The following RBMS3 variants were observed in gnomAD, a reference collection of about 807,000 sequenced individuals.
The protein encoded by RBMS3 is RNA-binding motif, single-stranded-interacting protein 3.
RBMS3 carries 27 observed loss-of-function variants against 66.8 expected under a neutral mutation model. The ratio of observed to expected loss-of-function variants is 0.40; its 90% CI spans 0.30 to 0.56. RBMS3 has a LOEUF of 0.56. Among genes scored for constraint, RBMS3 ranks in the 20% least tolerant of loss-of-function variants. RBMS3 has a pLI of 0.40. For missense variants in RBMS3, 513 were observed against 549.5 expected, an observed-to-expected ratio of 0.93 and a Z score of 0.66; for synonymous variants, 188 against 183.0, an observed-to-expected ratio of 1.03 and a Z score of -0.22.
chr3:29,638,294 T>C (rs540046605), intron 4 of RBMS3, among the ~76,000 whole-genome samples: 1 of 151,666 alleles, frequency 6.6e-6, no homozygotes, highest in Non-Finnish European at 1.5e-5. Flanking sequence ...TCACAAGGAA[T>C]ATCATCCTCT....
At chr3:29,593,767 C>T (rs926909858) in intron 4 of RBMS3, among the ~76,000 whole-genome samples, 1 of 152,216 alleles carries the variant, frequency 6.6e-6, no homozygotes, top group Non-Finnish European at 1.5e-5. Flanking sequence ...CACCTGCTAT[C>T]CACAAGGATT....
intron 10 of RBMS3, among the ~76,000 whole-genome samples, chr3:29,928,084 T>C (rs1482486132): frequency 1.3e-5 from 2 of 151,214 alleles, no homozygotes; most frequent in Non-Finnish European, 2.9e-5. Flanking sequence ...CAGCTCTAGG[T>C]TGCACTTTGG....
chr3:29,381,971 A>G (rs930565206), intron 1 of RBMS3, among the ~76,000 whole-genome samples: 4 of 151,946 alleles, frequency 2.6e-5, no homozygotes, highest in African/African-American at 9.7e-5. Flanking sequence ...TTCCCTGTCT[A>G]TCTCTTTCTT....
rs184298325 is a variant in RBMS3, at chr3:29,509,510, G to T, written c.307+21011G>T. On this transcript the variant is annotated intron_variant, in intron 3 of 14. Coordinates refer to ENST00000383767, the MANE Select transcript of RBMS3 (RefSeq NM_001003793.3). ...TAAGTTGCCATAACATGAAATAGCA[G>T]ATTTGGGATATAAATTCAGGTCTGC... Among the ~76,000 whole-genome samples, 205 of 152,304 alleles carry T rather than the reference G, an allele frequency of 1.3e-3. 1 individual carries two copies. The highest frequency in any genetic ancestry group is 3.3e-4 in the Admixed American group (5 of 15,300).
intron 3 of RBMS3, among the ~76,000 whole-genome samples, chr3:29,549,307 G>T (rs973295947): frequency 5.5e-4 from 83 of 151,766 alleles, no homozygotes; most frequent in African/African-American, 1.9e-3. Flanking sequence ...TACAGAAGAA[G>T]GTGAGCTAGG....
At chr3:29,608,273 A>C (rs550181176) in intron 4 of RBMS3, among the ~76,000 whole-genome samples, 1 of 152,052 alleles carries the variant, frequency 6.6e-6, no homozygotes, top group South Asian at 2.1e-4. Context: ...ACTTTTGTGG[A>C]AGTATCGTAA....
At chr3:29,716,257 A>G (rs1036021555) in intron 4 of RBMS3, among the ~76,000 whole-genome samples, 1 of 152,150 alleles carries the variant, frequency 6.6e-6, no homozygotes, top group African/African-American at 2.4e-5. Flanking sequence ...CAGTTACCAC[A>G]ATTAAGATAT....
At chr3:29,904,794 G>C (rs1004763452) in intron 10 of RBMS3, among the ~76,000 whole-genome samples, 1 of 151,834 alleles carries the variant, frequency 6.6e-6, no homozygotes, top group Non-Finnish European at 1.5e-5. Flanking sequence ...TGAATCCTAT[G>C]AGTTGAGTTG....
At chr3:29,569,038 T>A (rs542434514) in intron 3 of RBMS3, among the ~76,000 whole-genome samples, 20 of 152,242 alleles carry the variant, frequency 1.3e-4, no homozygotes, top group Middle Eastern at 3.4e-3. Flanking sequence ...CCTGAAATTG[T>A]GCACTTCTAA....
chr3:29,297,755 T>C (rs2033381044), intron 1 of RBMS3, among the ~76,000 whole-genome samples: 1 of 151,776 alleles, frequency 6.6e-6, no homozygotes, highest in African/African-American at 2.4e-5. Context: ...TTTTGTCCCC[T>C]AGAGTAAATA....
At chr3:29,665,021 A>G (rs995391123) in intron 4 of RBMS3, among the ~76,000 whole-genome samples, 2 of 152,188 alleles carry the variant, frequency 1.3e-5, no homozygotes, top group African/African-American at 4.8e-5. Context: ...ACTTATGAAG[A>G]ATAATGTTTA....
At chr3:29,806,204 G>A (rs2057542106) in intron 6 of RBMS3, among the ~76,000 whole-genome samples, 1 of 151,856 alleles carries the variant, frequency 6.6e-6, no homozygotes, top group African/African-American at 2.4e-5. Flanking sequence ...AAAGAACCCA[G>A]ACAAAAAGTA....
chr3:29,818,363 GT>G (rs1021381781), intron 6 of RBMS3, among the ~76,000 whole-genome samples: 2 of 150,374 alleles, frequency 1.3e-5, no homozygotes, highest in South Asian at 4.2e-4. Context: ...GTGAGACGAT[GT>G]TTTTTTACAT....
intron 8 of RBMS3, among the ~76,000 whole-genome samples, chr3:29,891,652 G>T (rs2060004831): frequency 6.6e-6 from 1 of 151,368 alleles, no homozygotes; most frequent in Non-Finnish European, 1.5e-5. Context: ...CTGTATAAAA[G>T]CCTCTTGGAT....
At chr3:29,615,483 C>CAG (rs1186293694) in intron 4 of RBMS3, among the ~76,000 whole-genome samples, 2 of 151,916 alleles carry the variant, frequency 1.3e-5, no homozygotes, top group African/African-American at 4.8e-5. Context: ...CACACACACA[C>CAG]ACACACACAC....
intron 1 of RBMS3, among the ~76,000 whole-genome samples, chr3:29,284,119 T>C (rs1294763706): frequency 6.6e-6 from 1 of 152,170 alleles, no homozygotes; most frequent in Non-Finnish European, 1.5e-5. Flanking sequence ...CTTATATTTA[T>C]TTGGTAAGCC....
At chr3:29,961,559 A>G (rs560835977) in intron 12 of RBMS3, among the ~76,000 whole-genome samples, 2 of 152,232 alleles carry the variant, frequency 1.3e-5, no homozygotes, top group South Asian at 4.1e-4. Flanking sequence ...TTTATAAAGG[A>G]AAAAGGTTTA....
intron 6 of RBMS3, among the ~76,000 whole-genome samples, chr3:29,841,686 A>G (rs2058667098): frequency 1.3e-5 from 2 of 152,066 alleles, no homozygotes; most frequent in Non-Finnish European, 2.9e-5. Flanking sequence ...ACCTCTGTTT[A>G]CTGGAAATAA....
chr3:29,786,712 AT>A (rs2056832976), intron 6 of RBMS3, among the ~76,000 whole-genome samples: 1 of 152,214 alleles, frequency 6.6e-6, no homozygotes, highest in Non-Finnish European at 1.5e-5. Context: ...AAAGACTTAG[AT>A]ATAAGAGCTG....
Sources: gnomAD v4.1 joint callset for allele counts (sites outside exome capture counted in the v4.1 genomes callset) on GRCh38, gnomAD v4.1.1 for gene constraint, MANE v1.5 for transcripts, NCBI Gene and HGNC (gene_info 2026-07-23, HGNC 2026-07-21) for gene names.